The following SGCZ variants were observed in gnomAD, a reference collection of about 807,000 sequenced individuals.
SGCZ encodes sarcoglycan zeta, also known as zeta-sarcoglycan.
Under a neutral mutation model 41.3 loss-of-function variants are expected in SGCZ, and 40 were observed. The observed-to-expected ratio is 0.97, with a 90% CI of 0.75 to 1.26. SGCZ has a LOEUF of 1.26. SGCZ is among the 50% of genes most tolerant of loss of function. The pLI, the probability that SGCZ is intolerant of heterozygous loss-of-function variation, is 0.00. For synonymous variants in SGCZ, 206 were observed against 137.5 expected, an observed-to-expected ratio of 1.50 and a Z score of -3.49; for missense variants, 552 against 369.8, an observed-to-expected ratio of 1.49 and a Z score of -4.04.
At chr8:15,237,555 G>T in intron 1 of SGCZ, 30 bp downstream of exon 1, 2 of 1,582,734 alleles carry the variant, frequency 1.3e-6, no homozygotes, top group Non-Finnish European at 1.7e-6. Context: ...CCGAGAAGCG[G>T]CCGCGAAGCC....
At chr8:14,323,818 T>G (rs1427010) in intron 3 of SGCZ, among the ~76,000 whole-genome samples, 7,082 of 152,196 alleles carry the variant, frequency 0.047, 556 homozygotes, top group African/African-American at 0.16. Flanking sequence ...TGGGATTTAC[T>G]GTAACTTTAT....
chr8:14,314,448 G>C (rs1585352091), intron 3 of SGCZ, among the ~76,000 whole-genome samples: 1 of 152,216 alleles, frequency 6.6e-6, no homozygotes, highest in African/African-American at 2.4e-5. Flanking sequence ...AGAAAACAAT[G>C]AATCAGCATT....
In SGCZ at chr8:14,871,884, G is replaced by A. The variant is rs191279854; in HGVS notation, c.40-316958C>T. ...TATGTATATATATGTATGTATATAT[G>A]TATGTATATATGTATGTATGTATGT... On this transcript the variant is annotated intron_variant, in intron 1 of 7. Transcript: ENST00000382080. 2.7e-3 allele frequency among the ~76,000 whole-genome samples: 410 copies of A among 149,466 alleles called. 3 individuals carry two copies. The highest frequency in any genetic ancestry group is 9.8e-3 in the African/African-American group (393 of 40,118).
intron 1 of SGCZ, among the ~76,000 whole-genome samples, chr8:14,559,114 T>A (rs1804128968): frequency 6.6e-6 from 1 of 152,030 alleles, no homozygotes. Flanking sequence ...AACATAGTAC[T>A]AGAAGTCCTA....
intron 3 of SGCZ, among the ~76,000 whole-genome samples, chr8:14,243,403 A>T (rs897095568): frequency 6.6e-6 from 1 of 152,198 alleles, no homozygotes; most frequent in South Asian, 2.1e-4. Context: ...TAACAGATTT[A>T]AAACTCACAT....
Position 14,827,002 on chromosome 8 carries a change from C to A in SGCZ, c.40-272076G>T, listed in dbSNP as rs542791340. Among the ~76,000 whole-genome samples, 161 of 152,070 alleles carry A rather than the reference C, an allele frequency of 1.1e-3. 3 individuals are homozygous for A. The highest frequency in any genetic ancestry group is 8.7e-3 in the South Asian group (42 of 4,820). ...GCTTTTGGTGTTTTAGACATGAAGT[C>A]CTTGCCCATGCCTATGTCCTGAATG... On this transcript the variant is annotated intron_variant, in intron 1 of 7. Coordinates refer to ENST00000382080, the MANE Select transcript of SGCZ (RefSeq NM_139167.4).
At chr8:14,974,903 G>C (rs1801415090) in intron 1 of SGCZ, among the ~76,000 whole-genome samples, 1 of 150,660 alleles carries the variant, frequency 6.6e-6, no homozygotes, top group Middle Eastern at 3.2e-3. Context: ...ACATCACTCT[G>C]CCTCCAATCT....
rs371852991 is a variant in SGCZ, at chr8:14,544,897, G to A, written c.234+9835C>T. Among the ~76,000 whole-genome samples the A allele has an allele frequency of 1.8e-3, 281 of 152,088 alleles. 1 individual carries two copies. Among genetic ancestry groups the A allele is most frequent in the African/African-American group, 6.5e-3 (271 of 41,484 alleles). Reference sequence around the variant, plus strand: ...CCTCAGAAGCATGTGATCTTTATTAGACCCTTATTAGCGGTTCTGCTTTTT... The same window carrying A: ...CCTCAGAAGCATGTGATCTTTATTAAACCCTTATTAGCGGTTCTGCTTTTT... On this transcript the variant is annotated intron_variant, in intron 2 of 7. Coordinates refer to ENST00000382080, the MANE Select transcript of SGCZ (RefSeq NM_139167.4).
At chr8:15,066,234 G>T (rs1360504012) in intron 1 of SGCZ, among the ~76,000 whole-genome samples, 1 of 151,400 alleles carries the variant, frequency 6.6e-6, no homozygotes, top group Non-Finnish European at 1.5e-5. Flanking sequence ...CGTGAACCCG[G>T]GAAGCGGAGC....
At chr8:14,557,146 T>C (rs1804057813) in intron 1 of SGCZ, among the ~76,000 whole-genome samples, 1 of 152,218 alleles carries the variant, frequency 6.6e-6, no homozygotes, top group South Asian at 2.1e-4. Flanking sequence ...TAAGGTGGTA[T>C]TGCATTGTGG....
In SGCZ at chr8:14,691,894, C is replaced by T. The variant is rs376977457; in HGVS notation, c.40-136968G>A. ...AACTGTTTTGTGAGAAAATAAATTACAAATTTTGTATCTATATATTGTGTT... is the reference window on the plus strand; with the variant it reads ...AACTGTTTTGTGAGAAAATAAATTATAAATTTTGTATCTATATATTGTGTT... On this transcript the variant is annotated intron_variant, in intron 1 of 7. Coordinates refer to ENST00000382080, the MANE Select transcript of SGCZ (RefSeq NM_139167.4). Among the ~76,000 whole-genome samples the T allele has an allele frequency of 2.0e-5, 3 of 151,968 alleles. No homozygotes were observed. In the East Asian group the frequency reaches 5.8e-4, roughly 29 times the overall value.
At chr8:14,429,580 T>A (rs1375375128) in intron 2 of SGCZ, among the ~76,000 whole-genome samples, 1 of 152,296 alleles carries the variant, frequency 6.6e-6, no homozygotes, top group East Asian at 1.9e-4. Context: ...CCTCTGAATA[T>A]GACCTTATTT....
chr8:14,286,881 A>C (rs983552205), intron 3 of SGCZ, among the ~76,000 whole-genome samples: 2 of 152,042 alleles, frequency 1.3e-5, no homozygotes, highest in African/African-American at 4.8e-5. Flanking sequence ...TATTATCACA[A>C]TGAGAAAGCT....
intron 1 of SGCZ, among the ~76,000 whole-genome samples, chr8:14,925,845 G>C (rs1393196356): frequency 2.1e-5 from 3 of 145,910 alleles, no homozygotes; most frequent in African/African-American, 7.5e-5. Context: ...CTGATAAGAA[G>C]GGATACCTTG....
chr8:14,419,898 G>A (rs1355016676), intron 2 of SGCZ, among the ~76,000 whole-genome samples: 3 of 152,090 alleles, frequency 2.0e-5, no homozygotes, highest in Non-Finnish European at 4.4e-5. Context: ...TTTCTAAAGC[G>A]ACGAGAAAGC....
At chr8:15,028,668 G>A (rs928741022) in intron 1 of SGCZ, among the ~76,000 whole-genome samples, 1 of 152,064 alleles carries the variant, frequency 6.6e-6, no homozygotes, top group African/African-American at 2.4e-5. Flanking sequence ...GAAAATGATA[G>A]AAATGCTAAG....
chr8:14,254,460 A>T lies in SGCZ; in HGVS notation c.337-16781T>A, dbSNP rs551695007. On this transcript the variant is annotated intron_variant, in intron 3 of 7. Coordinates refer to ENST00000382080, the MANE Select transcript of SGCZ (RefSeq NM_139167.4). ...GCCAGGTGTAGGTAGAGCATTAGGG[A>T]TATAGTCAGATGTTATCTTAGGTCA... 2.0e-5 allele frequency among the ~76,000 whole-genome samples: 3 copies of T among 152,280 alleles called. No homozygotes were observed. In the East Asian group the frequency reaches 5.8e-4, roughly 29 times the overall value.
chr8:15,021,023 C>G (rs980007614), intron 1 of SGCZ, among the ~76,000 whole-genome samples: 1 of 152,110 alleles, frequency 6.6e-6, no homozygotes, highest in South Asian at 2.1e-4. Flanking sequence ...TGTACAGAAA[C>G]TTTAGACAGT....
At chr8:14,996,621 A>C (rs1802228844) in intron 1 of SGCZ, among the ~76,000 whole-genome samples, 1 of 151,988 alleles carries the variant, frequency 6.6e-6, no homozygotes, top group Non-Finnish European at 1.5e-5. Flanking sequence ...TTCAGAACTG[A>C]CTCTACAGTT....
Sources: gnomAD v4.1 joint callset for allele counts (sites outside exome capture counted in the v4.1 genomes callset) on GRCh38, gnomAD v4.1.1 for gene constraint, MANE v1.5 for transcripts, NCBI Gene and HGNC (gene_info 2026-07-23, HGNC 2026-07-21) for gene names.